The following ARHGAP26 variants were observed in gnomAD, a reference collection of about 807,000 sequenced individuals.
The protein encoded by ARHGAP26 is rho GTPase-activating protein 26.
In ARHGAP26, 38 loss-of-function variants were observed where a neutral mutation model predicts 104.8. That is an observed-to-expected ratio of 0.36 (90% CI 0.28 to 0.48). The LOEUF is 0.48. Ranked by LOEUF, ARHGAP26 falls within the 20% of genes least tolerant of loss-of-function variation. ARHGAP26 has a pLI of 0.99. For synonymous variants in ARHGAP26, 341 were observed against 340.0 expected (o/e 1.00, Z -0.03); for missense variants, 704 against 947.9 (o/e 0.74, Z 3.38).
rs189774622 is a variant in ARHGAP26, at chr5:142,773,226, A to G, written c.154+2311A>G. Reference sequence around the variant, plus strand: ...CTTCAGTCATGTTTATTATATCTATAAACAGAAGTGTTTTCCCAGTACAAC... The same window carrying G: ...CTTCAGTCATGTTTATTATATCTATGAACAGAAGTGTTTTCCCAGTACAAC... On this transcript the variant is annotated intron_variant, in intron 1 of 22. Coordinates refer to ENST00000645722, the MANE Select transcript of ARHGAP26 (RefSeq NM_001135608.3). 4.7e-4 allele frequency among the ~76,000 whole-genome samples: 72 copies of G among 152,336 alleles called. 1 individual carries two copies. The highest frequency in any genetic ancestry group is 1.1e-3 in the Admixed American group (17 of 15,302).
chr5:143,081,447 C>G (rs188472054), intron 17 of ARHGAP26, among the ~76,000 whole-genome samples: 4 of 152,290 alleles, frequency 2.6e-5, no homozygotes, highest in East Asian at 1.9e-4. Context: ...AGACAATGAC[C>G]TATGTTTTCC....
chr5:143,017,017 A>G (rs1779682455), intron 12 of ARHGAP26, among the ~76,000 whole-genome samples: 1 of 152,222 alleles, frequency 6.6e-6, no homozygotes. Context: ...CCTTCTGTTT[A>G]TGACACAATC....
At chr5:142,801,772 C>T (rs151089012) in intron 1 of ARHGAP26, among the ~76,000 whole-genome samples, 9 of 152,024 alleles carry the variant, frequency 5.9e-5, no homozygotes, top group East Asian at 3.9e-4. Context: ...GGAATAGGGA[C>T]GAAAGTACCT....
At chr5:142,963,170 ATG>A (rs199683282) in intron 11 of ARHGAP26, among the ~76,000 whole-genome samples, 1,969 of 62,458 alleles carry the variant, frequency 0.032, 225 homozygotes, top group African/African-American at 0.15. Context: ...CATGGTATAT[ATG>A]TATATATATA....
intron 20 of ARHGAP26, among the ~76,000 whole-genome samples, chr5:143,187,901 C>T (rs1376916311): frequency 6.6e-6 from 1 of 152,196 alleles, no homozygotes; most frequent in Non-Finnish European, 1.5e-5. Context: ...TTGCTCTTGA[C>T]ACTGATTGTC....
chr5:143,041,920 G>A (rs1475374008), intron 14 of ARHGAP26, 30 bp downstream of exon 14: 1 of 1,558,138 alleles, frequency 6.4e-7, no homozygotes, highest in Non-Finnish European at 8.7e-7. Flanking sequence ...TGCTAGGCAG[G>A]TCCCTGGATG....
rs1434036836 is a variant in ARHGAP26 at position 143,225,795 on chromosome 5, C to G, written c.*3349C>G. 3 of 230,222 alleles carry G rather than the reference C, an allele frequency of 1.3e-5. No homozygotes were observed. The highest frequency in any genetic ancestry group is 2.6e-5 in the Non-Finnish European group (3 of 115,934). The allele number at this position is 230,222 out of a possible 1,614,324, so 14.3% of individuals were successfully genotyped here. On this transcript the variant is annotated 3_prime_UTR_variant, in exon 23 of 23. Coordinates refer to ENST00000645722, the MANE Select transcript of ARHGAP26 (RefSeq NM_001135608.3). ...TTTCAGGTACCCCCTCCCCAGCTTC[C>G]CTGTGGCTGTGCGGTGCCCTTGACA...
chr5:143,132,366 A>G (rs538944034), intron 18 of ARHGAP26, among the ~76,000 whole-genome samples: 42 of 151,434 alleles, frequency 2.8e-4, no homozygotes, highest in African/African-American at 9.9e-4. Context: ...AGGGCCACTC[A>G]TGGGTGAAAG....
At chr5:142,962,212 G>T (rs1770372879) in intron 11 of ARHGAP26, among the ~76,000 whole-genome samples, 1 of 152,130 alleles carries the variant, frequency 6.6e-6, no homozygotes, top group Non-Finnish European at 1.5e-5. Flanking sequence ...TATTTAATTT[G>T]GGCAACTCCA....
At chr5:143,212,435 A>G (rs1018557711) in intron 21 of ARHGAP26, among the ~76,000 whole-genome samples, 2 of 151,768 alleles carry the variant, frequency 1.3e-5, no homozygotes, top group African/African-American at 2.4e-5. Flanking sequence ...TGGCCAATAC[A>G]TAGACTCGGT....
intron 1 of ARHGAP26, among the ~76,000 whole-genome samples, chr5:142,859,426 G>C (rs988565239): frequency 2.6e-5 from 4 of 152,066 alleles, no homozygotes; most frequent in African/African-American, 9.7e-5. Flanking sequence ...TTTCTTTTCT[G>C]GTTTCTTTCC....
chr5:142,800,462 A>G (rs552307411), intron 1 of ARHGAP26, among the ~76,000 whole-genome samples: 7 of 151,880 alleles, frequency 4.6e-5, no homozygotes, highest in South Asian at 2.1e-4. Context: ...CTCCGGGTTC[A>G]AACAATTCTC....
At chr5:143,137,372 G>A (rs1476147113) in intron 19 of ARHGAP26, among the ~76,000 whole-genome samples, 2 of 152,218 alleles carry the variant, frequency 1.3e-5, no homozygotes, top group African/African-American at 2.4e-5. Context: ...TTGTCAGTGG[G>A]CTGTGGACAC....
chr5:143,210,798 C>G (rs1024293623), intron 21 of ARHGAP26, among the ~76,000 whole-genome samples: 3 of 152,184 alleles, frequency 2.0e-5, no homozygotes, highest in Non-Finnish European at 1.5e-5. Flanking sequence ...CTTTCCAGGC[C>G]TTGTGCCATG....
rs1017217083 is a variant in ARHGAP26, at chr5:142,770,629, G to A, written c.-133G>A. 8 of 605,436 alleles carry A rather than the reference G, an allele frequency of 1.3e-5. No homozygotes were observed. Among genetic ancestry groups the A allele is most frequent in the African/African-American group, 2.0e-5 (1 of 50,150 alleles). The allele number at this position is 605,436 out of a possible 1,614,324, so 37.5% of individuals were successfully genotyped here. ...CGCCGGCGGACACCGCGCGCGGAGT[G>A]AGCCAGCGCCACACCTGTGGAGCCG... On this transcript the variant is annotated 5_prime_UTR_variant, in exon 1 of 23. Coordinates refer to ENST00000645722, the MANE Select transcript of ARHGAP26 (RefSeq NM_001135608.3).
intron 11 of ARHGAP26, among the ~76,000 whole-genome samples, chr5:142,982,219 G>A (rs1391023825): frequency 6.6e-6 from 1 of 152,268 alleles, no homozygotes; most frequent in African/African-American, 2.4e-5. Context: ...AGTTACATAA[G>A]TTGTTGGAGC....
At chr5:142,776,567 T>C (rs937669274) in intron 1 of ARHGAP26, among the ~76,000 whole-genome samples, 1 of 152,212 alleles carries the variant, frequency 6.6e-6, no homozygotes, top group African/African-American at 2.4e-5. Flanking sequence ...TTGTAGCATG[T>C]ATCAGTAGTT....
At chr5:143,210,249 G>A (rs1373859526) in intron 21 of ARHGAP26, among the ~76,000 whole-genome samples, 1 of 152,126 alleles carries the variant, frequency 6.6e-6, no homozygotes, top group Non-Finnish European at 1.5e-5. Context: ...TTCATGGATG[G>A]CGGCAGGCAA....
intron 1 of ARHGAP26, among the ~76,000 whole-genome samples, chr5:142,865,565 T>G (rs1211719712): frequency 6.7e-6 from 1 of 150,262 alleles, no homozygotes; most frequent in African/African-American, 2.5e-5. Context: ...AATGTCCAAG[T>G]TGAGAGGTGT....
Sources: allele counts gnomAD v4.1 joint callset (sites outside exome capture counted in the v4.1 genomes callset), GRCh38; gene constraint gnomAD v4.1.1; transcripts MANE v1.5; gene names NCBI Gene and HGNC (gene_info 2026-07-23, HGNC 2026-07-21).